CNTNAP2: variants seen among roughly 807,000 people sequenced by gnomAD.
CNTNAP2 encodes contactin associated protein 2.
Under a neutral mutation model 155.2 loss-of-function variants are expected in CNTNAP2, and 98 were observed. The ratio of observed to expected loss-of-function variants is 0.63; its 90% CI spans 0.54 to 0.75. The LOEUF is 0.75. Among genes scored for constraint, CNTNAP2 ranks in the 30% least tolerant of loss-of-function variants. The pLI, the probability that CNTNAP2 is intolerant of heterozygous loss-of-function variation, is 0.00. For synonymous variants in CNTNAP2, 651 were observed against 631.2 expected (o/e 1.03, Z -0.47); for missense variants, 1,727 against 1,688.1 (o/e 1.02, Z -0.40).
chr7:147,827,646 G>T (rs1166988309), intron 13 of CNTNAP2, among the ~76,000 whole-genome samples: 1 of 152,002 alleles, frequency 6.6e-6, no homozygotes, highest in Admixed American at 6.6e-5. Context: ...CAAGCTTTGG[G>T]TTTTGAACTT....
chr7:147,619,690 T>G (rs1801356660), intron 12 of CNTNAP2, among the ~76,000 whole-genome samples: 2 of 152,186 alleles, frequency 1.3e-5, no homozygotes, highest in Non-Finnish European at 2.9e-5. Flanking sequence ...TCTGAGGTTT[T>G]TGACTCTGGT....
At position 147,091,117 on chromosome 7, in the gene CNTNAP2, G is replaced by A. The variant is rs76375641; in HGVS notation, c.551-17030G>A. ...TAGTTGAATCAATAGCATCATGAAC[G>A]CCCCATCGGATGATCATGGAGTCTC... On this transcript the variant is annotated intron_variant, in intron 4 of 23. Coordinates refer to ENST00000361727, the MANE Select transcript of CNTNAP2 (RefSeq NM_014141.6). Among the ~76,000 whole-genome samples, 1,302 of 152,000 alleles carry A rather than the reference G, an allele frequency of 8.6e-3. 17 individuals carry two copies. Among genetic ancestry groups the A allele is most frequent in the African/African-American group, 0.03 (1,256 of 41,496 alleles).
At chr7:146,692,416 A>G (rs538996836) in intron 1 of CNTNAP2, among the ~76,000 whole-genome samples, 1 of 152,300 alleles carries the variant, frequency 6.6e-6, no homozygotes, top group African/African-American at 2.4e-5. Context: ...CTGCATAAGC[A>G]TCTAATCAGT....
chr7:147,408,367 C>T (rs755816591), intron 10 of CNTNAP2, among the ~76,000 whole-genome samples: 28 of 152,112 alleles, frequency 1.8e-4, no homozygotes, highest in African/African-American at 2.9e-4. Context: ...GACTTGAGTA[C>T]GTGCAGTAAA....
At chr7:147,200,368 C>T (rs561328140) in intron 8 of CNTNAP2, among the ~76,000 whole-genome samples, 1 of 152,248 alleles carries the variant, frequency 6.6e-6, no homozygotes, top group East Asian at 1.9e-4. Flanking sequence ...TGAAGGACAG[C>T]TTATTGCTCG....
chr7:147,266,803 G>A (rs1804621247), intron 8 of CNTNAP2, among the ~76,000 whole-genome samples: 1 of 151,990 alleles, frequency 6.6e-6, no homozygotes, highest in East Asian at 1.9e-4. Flanking sequence ...TTCTGACCTT[G>A]GTGCTTTATT....
chr7:147,306,516 A>T (rs1265514938), intron 9 of CNTNAP2, among the ~76,000 whole-genome samples: 1 of 152,224 alleles, frequency 6.6e-6, no homozygotes, highest in East Asian at 1.9e-4. Flanking sequence ...CATATGCATA[A>T]GAGAGAGAAC....
At chr7:146,846,925 T>G (rs1007686550) in intron 3 of CNTNAP2, among the ~76,000 whole-genome samples, 4 of 152,272 alleles carry the variant, frequency 2.6e-5, no homozygotes, top group African/African-American at 9.6e-5. Flanking sequence ...TTCTAATGTT[T>G]AAAGTATCCA....
chr7:147,573,566 T>C (rs1192755667), intron 12 of CNTNAP2, among the ~76,000 whole-genome samples: 2 of 152,192 alleles, frequency 1.3e-5, no homozygotes, highest in Non-Finnish European at 2.9e-5. Flanking sequence ...ATGCCTTTGC[T>C]GCTCCAGGCA....
At position 147,896,956 on chromosome 7, in the gene CNTNAP2, C is replaced by T. The variant is rs146090399; in HGVS notation, c.2099-6609C>T. ...AAGGAGGTTAGAAGCAAGATGGAGT[C>T]GATTAAGTTAGATCTCTTTCACTGT... On this transcript the variant is annotated intron_variant, in intron 13 of 23. Transcript: ENST00000361727. The T allele has an allele frequency of 3.3e-5, 5 of 152,266 alleles. No homozygotes were observed. In the East Asian group the frequency reaches 7.7e-4, roughly 24 times the overall value. 9.4% of individuals were successfully genotyped at this position (152,266 alleles called of 1,614,324 possible).
At chr7:147,601,644 A>AAAAAAAATATATAT (rs1299075338) in intron 12 of CNTNAP2, among the ~76,000 whole-genome samples, 1 of 87,460 alleles carries the variant, frequency 1.1e-5, no homozygotes, top group African/African-American at 4.3e-5. Flanking sequence ...CTTAAAAAAA[A>AAAAAAAATATATAT]ATATATATAT....
intron 1 of CNTNAP2, among the ~76,000 whole-genome samples, chr7:146,306,024 A>G (rs1346327142): frequency 6.6e-6 from 1 of 152,128 alleles, no homozygotes; most frequent in Non-Finnish European, 1.5e-5. Context: ...GAGAAAAGAG[A>G]GAAGAATCAA....
At chr7:148,293,988 T>C (rs1311086133) in intron 21 of CNTNAP2, among the ~76,000 whole-genome samples, 4 of 134,286 alleles carry the variant, frequency 3.0e-5, no homozygotes, top group Non-Finnish European at 1.5e-5. Context: ...TAAGCCGAGA[T>C]TGCATTGCAC....
At chr7:147,651,182 C>T (rs1260135337) in intron 13 of CNTNAP2, among the ~76,000 whole-genome samples, 1 of 152,094 alleles carries the variant, frequency 6.6e-6, no homozygotes, top group Middle Eastern at 3.2e-3. Context: ...CCTGGCAAGG[C>T]AAGTCGGAAG....
intron 3 of CNTNAP2, among the ~76,000 whole-genome samples, chr7:146,843,202 CG>C (rs1389178045): frequency 7.3e-6 from 1 of 137,530 alleles, no homozygotes; most frequent in African/African-American, 3.0e-5. Context: ...TTAGTAGAGA[CG>C]GGGTTTCACC....
intron 12 of CNTNAP2, among the ~76,000 whole-genome samples, chr7:147,571,616 G>T (rs933735571): frequency 6.6e-6 from 1 of 152,172 alleles, no homozygotes; most frequent in Non-Finnish European, 1.5e-5. Context: ...CGGTAACAAT[G>T]ATCGTAGTGT....
At chr7:148,094,047 C>A (rs892663508) in intron 15 of CNTNAP2, among the ~76,000 whole-genome samples, 1 of 152,174 alleles carries the variant, frequency 6.6e-6, no homozygotes, top group African/African-American at 2.4e-5. Flanking sequence ...TGTAAGCCAC[C>A]ACACCCAGTG....
intron 10 of CNTNAP2, among the ~76,000 whole-genome samples, chr7:147,408,273 A>G (rs1797043042): frequency 1.3e-5 from 2 of 152,156 alleles, no homozygotes; most frequent in Admixed American, 1.3e-4. Flanking sequence ...CCTGGGATCT[A>G]GGTTGGGATG....
At chr7:146,435,493 T>G (rs1328246871) in intron 1 of CNTNAP2, among the ~76,000 whole-genome samples, 67 of 152,184 alleles carry the variant, frequency 4.4e-4, no homozygotes, top group Admixed American at 4.4e-3. Flanking sequence ...ATGAAATCAG[T>G]TAGACTTGAC....
Sources: allele counts gnomAD v4.1 joint callset (sites outside exome capture counted in the v4.1 genomes callset), GRCh38; gene constraint gnomAD v4.1.1; transcripts MANE v1.5; gene names NCBI Gene and HGNC (gene_info 2026-07-23, HGNC 2026-07-21).